The following TCERG1L variants were observed in gnomAD, a reference collection of about 807,000 sequenced individuals.
TCERG1L encodes the protein transcription elongation regulator 1-like protein.
TCERG1L carries 37 observed loss-of-function variants against 56.3 expected under a neutral mutation model. The ratio of observed to expected loss-of-function variants is 0.66; its 90% CI spans 0.51 to 0.87. The LOEUF (loss-of-function observed/expected upper bound fraction) is 0.87, where lower values mean the gene tolerates loss of function less well. Ranked by LOEUF, TCERG1L falls within the 40% of genes least tolerant of loss-of-function variation. The pLI is 0.00. For synonymous variants in TCERG1L, 324 were observed against 326.3 expected, an observed-to-expected ratio of 0.99 and a Z score of 0.08; for missense variants, 799 against 774.2, an observed-to-expected ratio of 1.03 and a Z score of -0.38.
At chr10:131,266,013 C>T (rs534983598) in intron 3 of TCERG1L, among the ~76,000 whole-genome samples, 1 of 152,382 alleles carries the variant, frequency 6.6e-6, no homozygotes, top group African/African-American at 2.4e-5. Flanking sequence ...TCAATCCCCT[C>T]AAACCCTGCT....
At chr10:131,250,333 C>G (rs185758495) in intron 4 of TCERG1L, among the ~76,000 whole-genome samples, 1 of 129,686 alleles carries the variant, frequency 7.7e-6, no homozygotes, top group Non-Finnish European at 1.6e-5. Flanking sequence ...ACTCACATGC[C>G]GAGCGGGAGC....
At chr10:131,296,467 T>C (rs1413908188) in intron 3 of TCERG1L, among the ~76,000 whole-genome samples, 14 of 152,338 alleles carry the variant, frequency 9.2e-5, no homozygotes, top group Admixed American at 7.8e-4. Context: ...TCTACTACGA[T>C]GTTCTATTGG....
chr10:131,161,919 T>C (rs1163890161), intron 6 of TCERG1L: 2 of 152,228 alleles, frequency 1.3e-5, no homozygotes, highest in African/African-American at 4.8e-5. Flanking sequence ...CCACTGGCTG[T>C]TCCTGAGTTG....
At chr10:131,213,520 G>A (rs1026898429) in intron 4 of TCERG1L, among the ~76,000 whole-genome samples, 4 of 152,206 alleles carry the variant, frequency 2.6e-5, no homozygotes, top group African/African-American at 9.6e-5. Flanking sequence ...CACAGCCTCC[G>A]TTCAGATTCC....
chr10:131,096,079 G>A (rs966965417), intron 11 of TCERG1L, among the ~76,000 whole-genome samples: 1 of 152,148 alleles, frequency 6.6e-6, no homozygotes, highest in African/African-American at 2.4e-5. Context: ...GCACCGTCGG[G>A]GTCCCTCCCT....
At chr10:131,100,344 G>A (rs534076884) in intron 10 of TCERG1L, among the ~76,000 whole-genome samples, 1 of 152,194 alleles carries the variant, frequency 6.6e-6, no homozygotes, top group South Asian at 2.1e-4. Flanking sequence ...GCTGGCCGTG[G>A]GGTCAGGGCT....
intron 3 of TCERG1L, among the ~76,000 whole-genome samples, chr10:131,274,667 C>T (rs1485576118): frequency 6.6e-6 from 1 of 152,180 alleles, no homozygotes; most frequent in Non-Finnish European, 1.5e-5. Flanking sequence ...TGGCTCTGCA[C>T]AGGTACTCAC....
chr10:131,228,248 GAC>G (rs1845815465), intron 4 of TCERG1L, among the ~76,000 whole-genome samples: 1 of 122,988 alleles, frequency 8.1e-6, no homozygotes, highest in Non-Finnish European at 1.7e-5. Flanking sequence ...CTCCCCTCCA[GAC>G]AGGCATTTCC....
chr10:131,278,118 G>T (rs1435394207), intron 3 of TCERG1L, among the ~76,000 whole-genome samples: 1 of 151,918 alleles, frequency 6.6e-6, no homozygotes, highest in African/African-American at 2.4e-5. Flanking sequence ...AGGAACAGGA[G>T]AACTCAGATT....
chr10:131,276,203 G>A (rs1166182878), intron 3 of TCERG1L, among the ~76,000 whole-genome samples: 1 of 152,168 alleles, frequency 6.6e-6, no homozygotes, highest in African/African-American at 2.4e-5. Flanking sequence ...ACCATGGGGG[G>A]AATCCAGCAA....
intron 7 of TCERG1L, among the ~76,000 whole-genome samples, chr10:131,136,022 T>G (rs1017643251): frequency 6.6e-6 from 1 of 152,162 alleles, no homozygotes; most frequent in African/African-American, 2.4e-5. Flanking sequence ...TGAAGGCGTC[T>G]CTCAGCCTCC....
intron 9 of TCERG1L, among the ~76,000 whole-genome samples, chr10:131,107,123 C>T (rs1845359818): frequency 6.6e-6 from 1 of 152,028 alleles, no homozygotes; most frequent in Non-Finnish European, 1.5e-5. Flanking sequence ...ATCCCTTTAG[C>T]TTTGACTAGT....
chr10:131,098,519 C>A, intron 10 of TCERG1L, 95 bp from the exon 11 acceptor site: 1 of 1,439,810 alleles, frequency 6.9e-7, no homozygotes. Flanking sequence ...CAGCAAGAAT[C>A]TATGGCAAAA....
intron 3 of TCERG1L, among the ~76,000 whole-genome samples, chr10:131,294,298 CCATA>C (rs1383249093): frequency 4.6e-5 from 7 of 152,136 alleles, no homozygotes; most frequent in African/African-American, 1.4e-4. Flanking sequence ...CCATCAAAGG[CCATA>C]CACTCTACAG....
intron 4 of TCERG1L, among the ~76,000 whole-genome samples, chr10:131,183,507 G>A (rs1441695083): frequency 6.6e-6 from 1 of 152,170 alleles, no homozygotes; most frequent in Non-Finnish European, 1.5e-5. Flanking sequence ...CTGACCTGGG[G>A]CTTCTCTCGT....
At chr10:131,214,680 T>C (rs891549486) in intron 4 of TCERG1L, among the ~76,000 whole-genome samples, 4 of 152,284 alleles carry the variant, frequency 2.6e-5, no homozygotes, top group Middle Eastern at 3.4e-3. Context: ...TTTCCACTTA[T>C]CTGAAGGCGG....
At chr10:131,258,621 C>T (rs1237291589) in intron 4 of TCERG1L, among the ~76,000 whole-genome samples, 1 of 152,230 alleles carries the variant, frequency 6.6e-6, no homozygotes. Context: ...TCAATTCCAG[C>T]AATGGGAAGG....
At chr10:131,283,243 T>C (rs1334596213) in intron 3 of TCERG1L, among the ~76,000 whole-genome samples, 4 of 152,174 alleles carry the variant, frequency 2.6e-5, no homozygotes, top group African/African-American at 9.7e-5. Context: ...AGAAGTCGAC[T>C]TCTTTCCATT....
chr10:131,202,197 G>T (rs999217516), intron 4 of TCERG1L, among the ~76,000 whole-genome samples: 6 of 152,208 alleles, frequency 3.9e-5, no homozygotes, highest in Non-Finnish European at 8.8e-5. Flanking sequence ...TCAACTGATT[G>T]TAACAGCCCA....
Sources: allele counts gnomAD v4.1 joint callset (sites outside exome capture counted in the v4.1 genomes callset), GRCh38; gene constraint gnomAD v4.1.1; transcripts MANE v1.5; gene names NCBI Gene and HGNC (gene_info 2026-07-23, HGNC 2026-07-21).